LRIG1: variants seen among roughly 807,000 people sequenced by gnomAD.
The protein encoded by LRIG1 is leucine rich repeats and immunoglobulin like domains 1.
In LRIG1, 48 loss-of-function variants were observed where a neutral mutation model predicts 99.2. That is an observed-to-expected ratio of 0.48 (90% CI 0.38 to 0.62). The LOEUF is 0.62. LRIG1 is among the 20% of genes least tolerant of loss of function. LRIG1 has a pLI of 0.00. For missense variants in LRIG1, 1,646 were observed against 1,434.4 expected (o/e 1.15, Z -2.38); for synonymous variants, 772 against 596.1 (o/e 1.29, Z -4.30).
At chr3:66,479,118 A>G (rs1360176338) in intron 1 of LRIG1, among the ~76,000 whole-genome samples, 7 of 152,236 alleles carry the variant, frequency 4.6e-5, no homozygotes, top group African/African-American at 1.4e-4. Context: ...AAACCTGTCC[A>G]GAGCAATTAC....
chr3:66,381,570 C>G lies in LRIG1; in HGVS notation c.2679G>C (p.Arg893Ser), dbSNP rs1701065897. ...PEPDTHSVAC[R>S]QPKLCAGSAY... Reference sequence around the variant, plus strand: ...CAGACCCAGCACAGAGCTTTGGCTGCCTGCAGGCAACGCTGTGAGTGTCGG... The same window carrying G: ...CAGACCCAGCACAGAGCTTTGGCTGGCTGCAGGCAACGCTGTGAGTGTCGG... The change falls in exon 17 of 19, where the codon AGG becomes AGC. Residue 893 changes from arginine (R) to serine (S), a missense_variant. By Grantham distance (110) the Arg-to-Ser change is moderately radical. Transcript: ENST00000273261. 1 of 1,613,998 alleles carries G rather than the reference C, an allele frequency of 6.2e-7. No individual in the cohort carries two copies. Among genetic ancestry groups the G allele is most frequent in the African/African-American group, 1.3e-5 (1 of 74,924 alleles).
chr3:66,498,986 C>T (rs765729051), intron 1 of LRIG1, among the ~76,000 whole-genome samples: 3 of 152,220 alleles, frequency 2.0e-5, no homozygotes, highest in Admixed American at 1.3e-4. Flanking sequence ...CTTTTTAAAA[C>T]AGCCATAGTC....
At chr3:66,408,205 G>C (rs1702344881) in intron 7 of LRIG1, among the ~76,000 whole-genome samples, 1 of 152,200 alleles carries the variant, frequency 6.6e-6, no homozygotes, top group Admixed American at 6.5e-5. Flanking sequence ...GGCTGGGGCA[G>C]GGATAGGAAG....
At position 66,385,969 on chromosome 3, in the gene LRIG1, G is replaced by C; in HGVS notation, c.1789+12C>G. The stretch of plus-strand genomic sequence containing the variant: ...GGATTCTGGTACTATAACAAAGATG[G>C]TGTTTCCATACCATTCACGGTGAGC... On this transcript the variant is annotated intron_variant, in intron 13 of 18. Coordinates refer to ENST00000273261, the MANE Select transcript of LRIG1 (RefSeq NM_015541.3). The C allele has an allele frequency of 1.2e-6, 2 of 1,608,528 alleles. No individual in the cohort carries two copies. Among genetic ancestry groups the C allele is most frequent in the Non-Finnish European group, 1.7e-6 (2 of 1,176,040 alleles).
chr3:66,439,733 G>T (rs1238232427), intron 3 of LRIG1, among the ~76,000 whole-genome samples: 1 of 152,048 alleles, frequency 6.6e-6, no homozygotes, highest in Non-Finnish European at 1.5e-5. Context: ...ATGACAGTTG[G>T]GTGGGCTATC....
intron 9 of LRIG1, among the ~76,000 whole-genome samples, chr3:66,402,397 C>A (rs999553281): frequency 7.0e-6 from 1 of 141,994 alleles, no homozygotes; most frequent in African/African-American, 2.7e-5. Context: ...TGGGAAGCTC[C>A]AGTGTGAGGA....
At position 66,451,847 on chromosome 3, in the gene LRIG1, A is replaced by T. The variant is rs1185446595; in HGVS notation, c.291-214T>A. 1.3e-5 allele frequency among the ~76,000 whole-genome samples: 2 copies of T among 152,230 alleles called. 1 individual carries two copies. Among genetic ancestry groups the T allele is most frequent in the African/African-American group, 4.8e-5 (2 of 41,456 alleles). ...AGCCACTGATCACACCCATGGCTAG[A>T]AACAAACACTAAGGGGAAGCATCTC... is the stretch of plus-strand genomic sequence containing the variant. On this transcript the variant is annotated intron_variant, in intron 2 of 18. Transcript: ENST00000273261.
chr3:66,483,318 G>A (rs1394543795), intron 1 of LRIG1, among the ~76,000 whole-genome samples: 1 of 152,226 alleles, frequency 6.6e-6, no homozygotes, highest in African/African-American at 2.4e-5. Flanking sequence ...CGTGTCTGAG[G>A]ATGGGGGTGG....
At chr3:66,495,524 G>C (rs1328077282) in intron 1 of LRIG1, among the ~76,000 whole-genome samples, 1 of 152,200 alleles carries the variant, frequency 6.6e-6, no homozygotes, top group East Asian at 1.9e-4. Context: ...TATGGGGTAG[G>C]TCAGAGGAAT....
intron 3 of LRIG1, among the ~76,000 whole-genome samples, chr3:66,448,857 C>T (rs1204639830): frequency 3.9e-5 from 6 of 152,186 alleles, no homozygotes; most frequent in African/African-American, 7.2e-5. Context: ...CATTTTCAGA[C>T]GATGTGTTGA....
chr3:66,428,922 T>C (rs1388489757), intron 3 of LRIG1, among the ~76,000 whole-genome samples: 4 of 152,232 alleles, frequency 2.6e-5, no homozygotes, highest in African/African-American at 7.2e-5. Context: ...CTGGGGAATT[T>C]TGGCAGATTC....
At chr3:66,392,075 G>C (rs948448678) in intron 12 of LRIG1, among the ~76,000 whole-genome samples, 1 of 152,174 alleles carries the variant, frequency 6.6e-6, no homozygotes. Flanking sequence ...TTTTGTGGCT[G>C]ACTTCTTCCA....
chr3:66,391,020 G>GAT lies in LRIG1; in HGVS notation c.1468+3018_1468+3019dup, dbSNP rs60541932. On this transcript the variant is annotated intron_variant, in intron 12 of 18. Coordinates refer to ENST00000273261, the MANE Select transcript of LRIG1 (RefSeq NM_015541.3). ...TTTAAATAGCTGTTTTTCCAAAGAAGATATATATATATATGTATGTCCAAT... is the reference window on the plus strand; with the variant it reads ...TTTAAATAGCTGTTTTTCCAAAGAAGATATATATATATATATGTATGTCCAAT... Among the ~76,000 whole-genome samples, 322 of 151,186 alleles carry GAT rather than the reference G, an allele frequency of 2.1e-3. 1 individual carries two copies. The highest frequency in any genetic ancestry group is 3.1e-3 in the Non-Finnish European group (212 of 67,730).
chr3:66,403,140 G>A (rs1055245944), intron 9 of LRIG1, among the ~76,000 whole-genome samples: 1 of 152,042 alleles, frequency 6.6e-6, no homozygotes, highest in Non-Finnish European at 1.5e-5. Context: ...TCCTCCGGTC[G>A]TGCCAATCTC....
intron 1 of LRIG1, among the ~76,000 whole-genome samples, chr3:66,495,151 G>A (rs776392540): frequency 6.6e-6 from 1 of 152,176 alleles, no homozygotes; most frequent in Non-Finnish European, 1.5e-5. Flanking sequence ...TAGATAGAAT[G>A]AACCCTAGTG....
intron 13 of LRIG1, among the ~76,000 whole-genome samples, chr3:66,385,401 GGA>G (rs1413999821): frequency 2.0e-5 from 3 of 152,310 alleles, no homozygotes; most frequent in Middle Eastern, 3.4e-3. Flanking sequence ...GGCTTATAGA[GGA>G]TAAGAACTGG....
chr3:66,441,977 G>T (rs1005759777), intron 3 of LRIG1, among the ~76,000 whole-genome samples: 1 of 152,120 alleles, frequency 6.6e-6, no homozygotes, highest in Non-Finnish European at 1.5e-5. Context: ...GACAGGTCCC[G>T]GGAAGTCCAT....
At chr3:66,406,949 TG>T (rs1454683081) in intron 8 of LRIG1, among the ~76,000 whole-genome samples, 1 of 152,126 alleles carries the variant, frequency 6.6e-6, no homozygotes, top group Non-Finnish European at 1.5e-5. Context: ...ATTCAGGACT[TG>T]GAAGTTGCAG....
chr3:66,413,060 C>G, intron 5 of LRIG1, 46 bp from the exon 6 acceptor site: 3 of 1,607,142 alleles, frequency 1.9e-6, no homozygotes, highest in Middle Eastern at 1.7e-4. Flanking sequence ...ATGTGCATAT[C>G]CCACCCACAA....
Sources: gnomAD v4.1 joint callset for allele counts (sites outside exome capture counted in the v4.1 genomes callset) on GRCh38, gnomAD v4.1.1 for gene constraint, MANE v1.5 for transcripts, NCBI Gene and HGNC (gene_info 2026-07-23, HGNC 2026-07-21) for gene names.